PAK2: variants seen among roughly 807,000 people sequenced by gnomAD.
PAK2 encodes the protein p21 (RAC1) activated kinase 2.
PAK2 carries 21 observed loss-of-function variants against 65.9 expected under a neutral mutation model. That is an observed-to-expected ratio of 0.32 (90% CI 0.23 to 0.46). The LOEUF (loss-of-function observed/expected upper bound fraction) is 0.46, where lower values mean the gene tolerates loss of function less well. Ranked by LOEUF, PAK2 falls within the 20% of genes least tolerant of loss-of-function variation. The pLI, the probability that PAK2 is intolerant of heterozygous loss-of-function variation, is 1.00. For synonymous variants in PAK2, 204 were observed against 219.7 expected (o/e 0.93, Z 0.63); for missense variants, 324 against 642.6 (o/e 0.50, Z 5.36).
At chr3:196,756,629 A>G (rs1280261080) in intron 1 of PAK2, among the ~76,000 whole-genome samples, 1 of 152,138 alleles carries the variant, frequency 6.6e-6, no homozygotes, top group Non-Finnish European at 1.5e-5. Flanking sequence ...CAAGGTCAGG[A>G]GTTCAAGACC....
intron 11 of PAK2, among the ~76,000 whole-genome samples, chr3:196,815,363 A>AGG (rs1715978523): frequency 6.6e-6 from 1 of 151,376 alleles, no homozygotes; most frequent in East Asian, 2.0e-4. Context: ...ATGGTGGTGC[A>AGG]CGCCTGTAAT....
chr3:196,820,633 C>A lies in PAK2; in HGVS notation c.1350+66C>A. The A allele has an allele frequency of 1.1e-6, 1 of 874,468 alleles. No homozygotes were observed. The highest frequency in any genetic ancestry group is 1.8e-6 in the Non-Finnish European group (1 of 568,228). The allele number at this position is 874,468 out of a possible 1,614,324, so 54.2% of individuals were successfully genotyped here. A position where few individuals can be genotyped will look rare whatever the true frequency, so the allele number is the denominator to read the frequency against. On this transcript the variant is annotated intron_variant, in intron 13 of 14. Transcript: ENST00000327134. This position sits in a 1 kb window ranked among gnomAD's most constrained non-coding sequence, Gnocchi z 4.6. ...TTGAAACTCTTATTTAGAACTTGCA[C>A]GTGCCTGGCACTGTCCAAGAATTTA... is the stretch of plus-strand genomic sequence containing the variant.
chr3:196,758,345 G>A (rs1382473522), intron 1 of PAK2, among the ~76,000 whole-genome samples: 4 of 152,266 alleles, frequency 2.6e-5, no homozygotes, highest in South Asian at 2.1e-4. Flanking sequence ...CTTGAAGTAG[G>A]TGTTTGCCAG....
intron 11 of PAK2, among the ~76,000 whole-genome samples, chr3:196,814,908 G>A (rs1174172039): frequency 1.3e-5 from 2 of 152,098 alleles, no homozygotes; most frequent in Non-Finnish European, 2.9e-5. Flanking sequence ...GGCTGGGCGC[G>A]GTGGCTCACG....
At position 196,782,756 on chromosome 3, in the gene PAK2, T is replaced by C; in HGVS notation, c.110T>C (p.Leu37Ser). ...GACCCTTTGTCAGCCAATCACAGTT[T>C]GAAACCTTTGCCCTCTGTTCCAGAA... Reference protein sequence around the residue: ...GKDPLSANHSLKPLPSVPEEK... With the variant: ...GKDPLSANHSSKPLPSVPEEK... The change falls in exon 2 of 15, where the codon TTG becomes TCG. Residue 37 changes from leucine to serine, a missense_variant. Coordinates refer to ENST00000327134, the MANE Select transcript of PAK2 (RefSeq NM_002577.4). 1 of 1,613,618 alleles carries C rather than the reference T, an allele frequency of 6.2e-7. No individual in the cohort carries two copies. The highest frequency in any genetic ancestry group is 8.5e-7 in the Non-Finnish European group (1 of 1,179,512).
chr3:196,766,868 C>T (rs144696012), intron 1 of PAK2, among the ~76,000 whole-genome samples: 2,261 of 148,542 alleles, frequency 0.015, 101 homozygotes, highest in Admixed American at 0.098. Context: ...AATTATACCT[C>T]AGTAAAGCTG....
In PAK2 at chr3:196,799,709, C is replaced by T. The variant is rs536298913; in HGVS notation, c.188-2218C>T. ...ACGCTGTGACTCAGGCTGGGGAGTG[C>T]AGTGACACAATCTCGGCTCACTGCA... On this transcript the variant is annotated intron_variant, in intron 2 of 14. Coordinates refer to ENST00000327134, the MANE Select transcript of PAK2 (RefSeq NM_002577.4). Among the ~76,000 whole-genome samples, 19 of 152,248 alleles carry T rather than the reference C, an allele frequency of 1.2e-4. 1 individual carries two copies. The highest frequency in any genetic ancestry group is 4.3e-4 in the African/African-American group (18 of 41,550).
At chr3:196,786,517 C>G (rs1412155360) in intron 2 of PAK2, among the ~76,000 whole-genome samples, 2 of 152,120 alleles carry the variant, frequency 1.3e-5, no homozygotes, top group African/African-American at 4.8e-5. Flanking sequence ...TTTTGTCTTA[C>G]TTGAGGTCAT....
chr3:196,771,604 G>A (rs1172292304), intron 1 of PAK2, among the ~76,000 whole-genome samples: 1 of 151,972 alleles, frequency 6.6e-6, no homozygotes, highest in Non-Finnish European at 1.5e-5. Flanking sequence ...CTGTTGCCCA[G>A]GCTGGAGTAC....
intron 2 of PAK2, among the ~76,000 whole-genome samples, chr3:196,797,291 C>T (rs192465197): frequency 8.6e-5 from 13 of 151,952 alleles, no homozygotes; most frequent in African/African-American, 7.3e-5. Flanking sequence ...ATGGTGAAAC[C>T]GTCTTTACTA....
chr3:196,754,654 C>G (rs145841004), intron 1 of PAK2, among the ~76,000 whole-genome samples: 117 of 152,308 alleles, frequency 7.7e-4, no homozygotes, highest in Admixed American at 9.8e-4. Context: ...ATAACACTCT[C>G]CTTGTTACTT....
intron 1 of PAK2, among the ~76,000 whole-genome samples, chr3:196,744,945 A>G (rs1056510131): frequency 6.6e-6 from 1 of 150,728 alleles, no homozygotes; most frequent in Admixed American, 6.6e-5. Context: ...TTTTTTTTGA[A>G]TTGCATTCCA....
At chr3:196,750,989 T>C (rs1015997358) in intron 1 of PAK2, among the ~76,000 whole-genome samples, 4 of 152,176 alleles carry the variant, frequency 2.6e-5, no homozygotes, top group African/African-American at 9.6e-5. Context: ...CAGAATTTTT[T>C]TCATCTTCCC....
intron 3 of PAK2, 26 bp from the exon 4 acceptor site, chr3:196,802,991 C>G (rs770808918): frequency 6.0e-6 from 9 of 1,491,744 alleles, no homozygotes; most frequent in Non-Finnish European, 8.1e-6. Flanking sequence ...TAAACCATAA[C>G]TAATTTCTGA....
intron 1 of PAK2, among the ~76,000 whole-genome samples, chr3:196,757,763 C>G (rs531339600): frequency 6.6e-6 from 1 of 152,058 alleles, no homozygotes; most frequent in Non-Finnish European, 1.5e-5. Context: ...CCTGGAATCC[C>G]GTCTTCTGGT....
At chr3:196,752,984 A>AT (rs151315506) in intron 1 of PAK2, among the ~76,000 whole-genome samples, 2,418 of 147,890 alleles carry the variant, frequency 0.016, 98 homozygotes, top group Admixed American at 0.097. Context: ...AGAAAAAAAA[A>AT]TTTTTTTTTT....
intron 10 of PAK2, among the ~76,000 whole-genome samples, chr3:196,813,715 G>GC (rs1256123439): frequency 3.3e-5 from 5 of 152,094 alleles, no homozygotes; most frequent in African/African-American, 9.7e-5. Context: ...ACTTTGGGAG[G>GC]CCGAGGCAGG....
chr3:196,806,508 T>G, intron 5 of PAK2, 71 bp from the exon 6 acceptor site: 1 of 924,588 alleles, frequency 1.1e-6, no homozygotes. Context: ...TTGAAGTACG[T>G]TCATAAAGGG....
At position 196,814,528 on chromosome 3, in the gene PAK2, C is replaced by T. The variant is rs1410653840; in HGVS notation, c.1013C>T (p.Thr338Met). The change falls in exon 11 of 15, where the codon ACG (threonine) becomes ATG (methionine). Residue 338 changes from threonine to methionine, a missense_variant. Coordinates refer to ENST00000327134, the MANE Select transcript of PAK2 (RefSeq NM_002577.4). The stretch of plus-strand genomic sequence containing the variant: ...TCACTCACTGATGTGGTAACAGAAA[C>T]GTGCATGGATGAAGCACAGATTGCT... ...GGSLTDVVTE[T>M]CMDEAQIAAV... 3 of 1,532,880 alleles carry T rather than the reference C, an allele frequency of 2.0e-6. No individual in the cohort carries two copies. Among genetic ancestry groups the T allele is most frequent in the Non-Finnish European group, 2.7e-6 (3 of 1,110,796 alleles). The allele number at this position is 1,532,880 out of a possible 1,614,324, so 95.0% of individuals were successfully genotyped here.
Sources: allele counts gnomAD v4.1 joint callset (sites outside exome capture counted in the v4.1 genomes callset), GRCh38; gene constraint gnomAD v4.1.1; non-coding constraint Gnocchi (gnomAD v3.1); transcripts MANE v1.5; gene names NCBI Gene and HGNC (gene_info 2026-07-23, HGNC 2026-07-21).